RANBP2: variants seen among roughly 807,000 people sequenced by gnomAD.
RANBP2 encodes the protein E3 SUMO-protein ligase RanBP2.
RANBP2 carries 57 observed loss-of-function variants against 303.6 expected under a neutral mutation model. The observed-to-expected ratio is 0.19, with a 90% CI of 0.15 to 0.23. The LOEUF is 0.23. RANBP2 is among the 10% of genes least tolerant of loss of function. The pLI is 1.00. For missense variants in RANBP2, 3,138 were observed against 3,780.8 expected (o/e 0.83, Z 4.46); for synonymous variants, 1,167 against 1,301.5 (o/e 0.90, Z 2.23).
chr2:109,359,887 T>C, the RANBP2 span, among the ~76,000 whole-genome samples: 1 of 152,090 alleles, frequency 6.6e-6, no homozygotes, highest in Non-Finnish European at 1.5e-5. Context: ...GGCACATGTG[T>C]AGGCTGCACA....
the RANBP2 span, among the ~76,000 whole-genome samples, chr2:109,523,652 G>C: frequency 1.3e-5 from 2 of 152,156 alleles, no homozygotes; most frequent in African/African-American, 4.8e-5. Context: ...ATGAGCCGCT[G>C]AGAAGCAGCT....
chr2:108,876,081 T>C, the RANBP2 span: 2 of 1,554,702 alleles, frequency 1.3e-6, no homozygotes, highest in African/African-American at 1.4e-5. Flanking sequence ...ATTCATTTTT[T>C]TTACAGGAGT....
At chr2:109,009,651 G>A in the RANBP2 span, among the ~76,000 whole-genome samples, 4 of 149,674 alleles carry the variant, frequency 2.7e-5, no homozygotes, top group Non-Finnish European at 4.4e-5. Flanking sequence ...TGAGCCTCCC[G>A]AATAGCCTCC....
At chr2:109,522,846 G>A in the RANBP2 span, among the ~76,000 whole-genome samples, 1 of 152,202 alleles carries the variant, frequency 6.6e-6, no homozygotes, top group African/African-American at 2.4e-5. Flanking sequence ...GTGGAAGCAC[G>A]TGGCAGCCAG....
the RANBP2 span, among the ~76,000 whole-genome samples, chr2:108,982,980 T>A: frequency 2.0e-5 from 3 of 152,326 alleles, no homozygotes; most frequent in East Asian, 5.8e-4. Flanking sequence ...CAAAAAGAGT[T>A]CTGCTGAATG....
At chr2:108,993,993 A>C in the RANBP2 span, among the ~76,000 whole-genome samples, 2 of 152,116 alleles carry the variant, frequency 1.3e-5, no homozygotes, top group African/African-American at 4.8e-5. Flanking sequence ...AATCCCATTC[A>C]TGAGGCTCCA....
chr2:109,218,524 T>A, the RANBP2 span, among the ~76,000 whole-genome samples: 1 of 152,184 alleles, frequency 6.6e-6, no homozygotes, highest in East Asian at 1.9e-4. Flanking sequence ...GAAGGGTGTG[T>A]GGTACGGATG....
At chr2:109,592,796 C>A in the RANBP2 span, among the ~76,000 whole-genome samples, 1 of 149,898 alleles carries the variant, frequency 6.7e-6, no homozygotes, top group African/African-American at 2.4e-5. Flanking sequence ...AAAAAGGAAA[C>A]GAAAAAAGAA....
At chr2:108,813,248 CAAAA>C in the RANBP2 span, among the ~76,000 whole-genome samples, 31 of 63,560 alleles carry the variant, frequency 4.9e-4, no homozygotes, top group East Asian at 3.1e-3. Flanking sequence ...GACTCCGTCT[CAAAA>C]AAAAAAAAAA....
chr2:109,050,083 T>C, the RANBP2 span, among the ~76,000 whole-genome samples: 3 of 152,194 alleles, frequency 2.0e-5, no homozygotes, highest in Admixed American at 1.3e-4. Flanking sequence ...ATGGTAAGTC[T>C]AAATTGAGAT....
the RANBP2 span, among the ~76,000 whole-genome samples, chr2:109,337,741 T>A: frequency 0.022 from 3,365 of 152,142 alleles, 54 homozygotes; most frequent in South Asian, 0.048. Flanking sequence ...TCCCCCTTTT[T>A]TTTTGAGACA....
chr2:109,468,854 A>AG, the RANBP2 span, among the ~76,000 whole-genome samples: 1 of 131,766 alleles, frequency 7.6e-6, no homozygotes, highest in South Asian at 2.6e-4. Context: ...ACTCTGTCTC[A>AG]GAAAAAAAAA....
the RANBP2 span, among the ~76,000 whole-genome samples, chr2:109,034,848 G>A: frequency 6.6e-6 from 1 of 152,164 alleles, no homozygotes. Flanking sequence ...AACCAGTCAT[G>A]GTTAGATTAT....
chr2:108,894,375 C>CAAT, the RANBP2 span: 1 of 152,572 alleles, frequency 6.6e-6, no homozygotes, highest in African/African-American at 2.4e-5. Flanking sequence ...ATACATAGGG[C>CAAT]AATAACCAGG....
At chr2:109,223,597 A>C in the RANBP2 span, among the ~76,000 whole-genome samples, 239 of 152,186 alleles carry the variant, frequency 1.6e-3, no homozygotes, top group African/African-American at 4.9e-3. Flanking sequence ...GGTGGAGGGC[A>C]GTAGCACCAT....
the RANBP2 span, among the ~76,000 whole-genome samples, chr2:109,149,265 C>T: frequency 6.6e-6 from 1 of 152,148 alleles, no homozygotes; most frequent in African/African-American, 2.4e-5. Flanking sequence ...TTCTATGGCC[C>T]CCCGGGACCC....
At chr2:109,460,130 A>T in the RANBP2 span, among the ~76,000 whole-genome samples, 1 of 152,216 alleles carries the variant, frequency 6.6e-6, no homozygotes, top group Admixed American at 6.5e-5. Context: ...TTCATTTGCT[A>T]TGGAGTGAGC....
the RANBP2 span, among the ~76,000 whole-genome samples, chr2:108,951,616 G>A: frequency 2.0e-4 from 31 of 152,088 alleles, no homozygotes; most frequent in Non-Finnish European, 3.7e-4. Flanking sequence ...TGGTTTACAG[G>A]GAAGGGCACT....
chr2:108,842,633 A>G, the RANBP2 span, among the ~76,000 whole-genome samples: 1 of 152,160 alleles, frequency 6.6e-6, no homozygotes, highest in Non-Finnish European at 1.5e-5. Context: ...TGCGGGCTTC[A>G]TCTAGCTATT....
Sources: allele counts gnomAD v4.1 joint callset (sites outside exome capture counted in the v4.1 genomes callset), GRCh38; gene constraint gnomAD v4.1.1; transcripts MANE v1.5; gene names NCBI Gene and HGNC (gene_info 2026-07-23, HGNC 2026-07-21).